STS: variants seen among roughly 807,000 people sequenced by gnomAD.
STS encodes the protein steryl-sulfatase.
A neutral mutation model predicts 26.8 loss-of-function variants in STS; 7 were observed. That is an observed-to-expected ratio of 0.26 (90% CI 0.15 to 0.49). The LOEUF (loss-of-function observed/expected upper bound fraction) is 0.49. Ranked by LOEUF, STS falls within the 20% of genes least tolerant of loss-of-function variation. The pLI, the probability that STS is intolerant of heterozygous loss-of-function variation, is 0.98. For missense variants in STS, 434 were observed against 465.6 expected (o/e 0.93, Z 0.63); for synonymous variants, 199 against 189.4 (o/e 1.05, Z -0.42).
At chrX:7,219,626 A>G (rs757933962) in intron 2 of STS, 7 of 1,209,162 alleles carry the variant, frequency 5.8e-6, no homozygotes, top group African/African-American at 3.5e-5. Flanking sequence ...TGAAGTTGCA[A>G]TCTCCTCCAT....
Position 7,160,116 on chromosome X carries a change from G to A in STS, c.-134+12033G>A, listed in dbSNP as rs779179716. On this transcript the variant is annotated intron_variant, in intron 1 of 10. Transcript: ENST00000674429. ...CTCTGCTGCTAAGATGTTGGGATAC[G>A]TGATGACAGAAAATTGCTTACGGGG... Among the ~76,000 whole-genome samples the A allele has an allele frequency of 2.0e-4, 22 of 112,061 alleles. No individual in the cohort carries two copies. In the South Asian group the frequency reaches 2.2e-3, roughly 11 times the overall value.
chrX:7,205,554 A>G (rs1934199675), intron 2 of STS, among the ~76,000 whole-genome samples: 1 of 111,143 alleles, frequency 9.0e-6, no homozygotes, highest in Non-Finnish European at 1.9e-5. Flanking sequence ...GTTGGCTGGT[A>G]TAAAACTGTA....
chrX:7,307,903 T>C (rs192488606), intron 8 of STS, among the ~76,000 whole-genome samples: 26 of 112,648 alleles, frequency 2.3e-4, no homozygotes, highest in Non-Finnish European at 4.5e-4. Context: ...TAAAGTGTTA[T>C]CTGTAGTTAT....
chrX:7,152,128 A>AT (rs1933027766), intron 1 of STS, among the ~76,000 whole-genome samples: 1 of 107,327 alleles, frequency 9.3e-6, no homozygotes, highest in Non-Finnish European at 1.9e-5. Context: ...AGTTTTTTGT[A>AT]TTTTTAGTAG....
At chrX:7,318,147 T>C (rs972195575) in intron 8 of STS, among the ~76,000 whole-genome samples, 1 of 111,783 alleles carries the variant, frequency 8.9e-6, no homozygotes, top group Admixed American at 9.5e-5. Flanking sequence ...TTGGGGAACA[T>C]GTGAAACTCC....
chrX:7,190,054 G>A (rs1431033742), intron 1 of STS, among the ~76,000 whole-genome samples: 1 of 110,673 alleles, frequency 9.0e-6, no homozygotes, highest in Non-Finnish European at 1.9e-5. Context: ...CAGGGAGGGG[G>A]ATGGTTTTGG....
chrX:7,261,622 A>G (rs973731986), intron 6 of STS, among the ~76,000 whole-genome samples: 13 of 111,656 alleles, frequency 1.2e-4, no homozygotes, highest in African/African-American at 4.2e-4. Context: ...GGGAATGGGC[A>G]GTGGTTCTCC....
At chrX:7,348,651 T>C (rs1217571186) in intron 10 of STS, among the ~76,000 whole-genome samples, 2 of 112,218 alleles carry the variant, frequency 1.8e-5, no homozygotes, top group African/African-American at 6.5e-5. Flanking sequence ...TATTCATTTG[T>C]TTGTGAATTA....
At chrX:7,270,998 CT>C (rs142362269) in intron 6 of STS, among the ~76,000 whole-genome samples, 96 of 101,061 alleles carry the variant, frequency 9.5e-4, no homozygotes, top group Middle Eastern at 5.1e-3. Flanking sequence ...TCTTCTTCTT[CT>C]TTTTTTTTTT....
At chrX:7,324,420 G>A (rs746527261) in intron 8 of STS, among the ~76,000 whole-genome samples, 3 of 111,497 alleles carry the variant, frequency 2.7e-5, no homozygotes, top group East Asian at 2.8e-4. Context: ...GTTCTCTCCC[G>A]GATCAGGGAG....
intron 2 of STS, among the ~76,000 whole-genome samples, chrX:7,214,083 G>A (rs1921138197): frequency 9.0e-6 from 1 of 111,431 alleles, no homozygotes; most frequent in African/African-American, 3.3e-5. Context: ...GCAAGACCCT[G>A]TCTGAAAACA....
chrX:7,323,559 C>A (rs748161296), intron 8 of STS, among the ~76,000 whole-genome samples: 1 of 111,788 alleles, frequency 8.9e-6, no homozygotes, highest in African/African-American at 3.2e-5. Context: ...ATATTTTGTT[C>A]TTTTTTATGG....
chrX:7,148,351 C>G (rs777465461), intron 1 of STS, among the ~76,000 whole-genome samples: 3 of 112,575 alleles, frequency 2.7e-5, no homozygotes, highest in Non-Finnish European at 5.6e-5. Context: ...CGGCGCGGGC[C>G]GGCGCTGTAT....
chrX:7,260,543 T>G (rs1418178130), intron 6 of STS, among the ~76,000 whole-genome samples: 1 of 111,481 alleles, frequency 9.0e-6, no homozygotes, highest in African/African-American at 3.3e-5. Context: ...GTAGCTGGGA[T>G]TACAGGTGCC....
intron 1 of STS, among the ~76,000 whole-genome samples, chrX:7,186,200 G>A (rs894409868): frequency 3.6e-5 from 4 of 112,452 alleles, no homozygotes; most frequent in Non-Finnish European, 7.5e-5. Flanking sequence ...AACCAAACAT[G>A]GCAGTATACT....
intron 3 of STS, among the ~76,000 whole-genome samples, chrX:7,254,158 T>C (rs1308306554): frequency 9.0e-6 from 1 of 111,694 alleles, no homozygotes; most frequent in Non-Finnish European, 1.9e-5. Flanking sequence ...GACACAAACA[T>C]CGAGACCATA....
intron 2 of STS, among the ~76,000 whole-genome samples, chrX:7,249,891 C>A (rs1923054097): frequency 9.0e-6 from 1 of 110,790 alleles, no homozygotes; most frequent in Non-Finnish European, 1.9e-5. Flanking sequence ...ATATTCATGC[C>A]ACGTTTTGGT....
At chrX:7,302,305 A>G (rs1368185898) in intron 7 of STS, among the ~76,000 whole-genome samples, 3 of 111,445 alleles carry the variant, frequency 2.7e-5, no homozygotes, top group Non-Finnish European at 5.6e-5. Context: ...CGGGGGTTAT[A>G]GCGCCTTATT....
At chrX:7,177,720 G>A (rs757886223) in intron 1 of STS, among the ~76,000 whole-genome samples, 3 of 110,251 alleles carry the variant, frequency 2.7e-5, no homozygotes, top group Non-Finnish European at 5.7e-5. Flanking sequence ...TCACCATGTT[G>A]GCCAGGCTGG....
Sources: gnomAD v4.1 joint callset for allele counts (sites outside exome capture counted in the v4.1 genomes callset) on GRCh38, gnomAD v4.1.1 for gene constraint, MANE v1.5 for transcripts, NCBI Gene and HGNC (gene_info 2026-07-23, HGNC 2026-07-21) for gene names.